Variants in PLXDC2 observed in about 807,000 individuals in gnomAD.
The protein encoded by PLXDC2 is plexin domain-containing protein 2.
In PLXDC2, 40 loss-of-function variants were observed where a neutral mutation model predicts 68.9. The observed-to-expected ratio is 0.58, with a 90% CI of 0.45 to 0.76. PLXDC2 has a LOEUF of 0.76. PLXDC2 is among the 30% of genes least tolerant of loss of function. The pLI is 0.00. For synonymous variants in PLXDC2, 243 were observed against 234.2 expected (o/e 1.04, Z -0.34); for missense variants, 644 against 661.9 (o/e 0.97, Z 0.30).
chr10:20,095,944 C>G (rs1416854212), intron 4 of PLXDC2, among the ~76,000 whole-genome samples: 4 of 152,098 alleles, frequency 2.6e-5, no homozygotes, highest in African/African-American at 9.7e-5. Flanking sequence ...TATTTCTCTT[C>G]TAAGATGTTT....
intron 1 of PLXDC2, among the ~76,000 whole-genome samples, chr10:19,975,653 C>T (rs978634702): frequency 1.3e-5 from 2 of 152,252 alleles, no homozygotes. Flanking sequence ...CTGCATCTCT[C>T]TTTTGAGTTG....
intron 1 of PLXDC2, among the ~76,000 whole-genome samples, chr10:19,914,605 C>T (rs12571149): frequency 0.041 from 6,173 of 152,198 alleles, 210 homozygotes; most frequent in East Asian, 0.13. Context: ...AAGAGAAAAG[C>T]GAACATAAAA....
chr10:20,247,995 A>G (rs188964009), intron 13 of PLXDC2, among the ~76,000 whole-genome samples: 3 of 152,324 alleles, frequency 2.0e-5, no homozygotes, highest in African/African-American at 7.2e-5. Flanking sequence ...TCAAAGTTAC[A>G]AATGCATTCT....
At chr10:20,277,692 A>G (rs1473118294) in intron 13 of PLXDC2, among the ~76,000 whole-genome samples, 1 of 152,184 alleles carries the variant, frequency 6.6e-6, no homozygotes, top group Non-Finnish European at 1.5e-5. Flanking sequence ...ATGTGAAGGG[A>G]TTATAAAAGA....
At chr10:20,038,861 T>C (rs970783937) in intron 2 of PLXDC2, among the ~76,000 whole-genome samples, 5 of 152,148 alleles carry the variant, frequency 3.3e-5, no homozygotes, top group African/African-American at 1.2e-4. Context: ...GGGTGGGAAC[T>C]TTATCTCACA....
chr10:20,237,939 A>G (rs1416664962), intron 12 of PLXDC2, among the ~76,000 whole-genome samples: 3 of 152,072 alleles, frequency 2.0e-5, no homozygotes, highest in Non-Finnish European at 4.4e-5. Flanking sequence ...TTTTTTCTTT[A>G]TTTCTGGACT....
chr10:19,892,852 TA>T (rs1837988632), intron 1 of PLXDC2, among the ~76,000 whole-genome samples: 1 of 152,004 alleles, frequency 6.6e-6, no homozygotes, highest in African/African-American at 2.4e-5. Context: ...TAGTATACAG[TA>T]CGAGCTAAGA....
At chr10:20,227,540 G>T (rs1261530754) in intron 12 of PLXDC2, among the ~76,000 whole-genome samples, 2 of 152,104 alleles carry the variant, frequency 1.3e-5, no homozygotes, top group Admixed American at 6.5e-5. Context: ...TTTTCCTGGG[G>T]TAAAGTTATA....
chr10:19,825,355 T>G lies in PLXDC2; in HGVS notation c.112+8164T>G, dbSNP rs562217182. Among the ~76,000 whole-genome samples, 11 of 152,186 alleles carry G rather than the reference T, an allele frequency of 7.2e-5. 1 individual carries two copies. Among genetic ancestry groups the G allele is most frequent in the Admixed American group, 7.2e-4 (11 of 15,272 alleles). On this transcript the variant is annotated intron_variant, in intron 1 of 13. Coordinates refer to ENST00000377252, the MANE Select transcript of PLXDC2 (RefSeq NM_032812.9). ...GAAAAACTGCATAGGAATCCGAATATTTGAAAGTCAATTCTCTATGTATTC... is the reference window on the plus strand; with the variant it reads ...GAAAAACTGCATAGGAATCCGAATAGTTGAAAGTCAATTCTCTATGTATTC...
chr10:19,819,409 TA>T (rs1328257502), intron 1 of PLXDC2, among the ~76,000 whole-genome samples: 2 of 152,160 alleles, frequency 1.3e-5, no homozygotes, highest in South Asian at 4.2e-4. Context: ...ACTGAATATA[TA>T]AAAAAAGCAA....
rs1178583722 is a variant in PLXDC2, at chr10:20,281,271, C to A, written c.*1452C>A. 2 of 152,094 alleles carry A rather than the reference C, an allele frequency of 1.3e-5. No individual in the cohort carries two copies. The highest frequency in any genetic ancestry group is 3.8e-4 in the East Asian group (2 of 5,196). 9.4% of individuals were successfully genotyped at this position (152,094 alleles called of 1,614,324 possible). On this transcript the variant is annotated 3_prime_UTR_variant, in exon 14 of 14. Transcript: ENST00000377252. ...TCATGAATGAAGAAAGGAATGGCAT[C>A]CCTTGAGAAGGAAAGTGGTTAATAT...
intron 1 of PLXDC2, among the ~76,000 whole-genome samples, chr10:19,843,537 T>C (rs1208895035): frequency 2.6e-5 from 4 of 152,106 alleles, no homozygotes; most frequent in Admixed American, 1.3e-4. Flanking sequence ...GTGAGAAATG[T>C]ACAGGAAAAA....
chr10:20,156,240 T>G (rs1834215383), intron 6 of PLXDC2, among the ~76,000 whole-genome samples: 1 of 152,182 alleles, frequency 6.6e-6, no homozygotes, highest in Admixed American at 6.5e-5. Flanking sequence ...CCTGCGTCAC[T>G]GTCTTTTGTG....
intron 1 of PLXDC2, among the ~76,000 whole-genome samples, chr10:19,997,285 T>C (rs998258605): frequency 2.0e-5 from 3 of 152,220 alleles, no homozygotes; most frequent in Non-Finnish European, 4.4e-5. Flanking sequence ...CTGCAATGAA[T>C]TGAGATGCAA....
intron 1 of PLXDC2, among the ~76,000 whole-genome samples, chr10:19,950,271 C>T (rs894994087): frequency 1.3e-5 from 2 of 152,176 alleles, no homozygotes; most frequent in Admixed American, 6.5e-5. Context: ...ACCCTAAAGA[C>T]TCTACCAAAA....
At chr10:20,275,361 C>T (rs1835992515) in intron 13 of PLXDC2, among the ~76,000 whole-genome samples, 1 of 152,132 alleles carries the variant, frequency 6.6e-6, no homozygotes, top group Non-Finnish European at 1.5e-5. Flanking sequence ...TCTATTGAAT[C>T]AGGAGCTGCA....
chr10:20,153,512 G>T (rs1025062007), intron 6 of PLXDC2, among the ~76,000 whole-genome samples: 1 of 151,998 alleles, frequency 6.6e-6, no homozygotes, highest in Non-Finnish European at 1.5e-5. Flanking sequence ...CACATTTCCT[G>T]CTTGATTTAA....
At chr10:19,893,758 G>T (rs1304029852) in intron 1 of PLXDC2, among the ~76,000 whole-genome samples, 1 of 152,180 alleles carries the variant, frequency 6.6e-6, no homozygotes, top group South Asian at 2.1e-4. Context: ...ATCCTTTACA[G>T]CCTTTTTACT....
At chr10:20,111,603 G>T (rs1833561367) in intron 4 of PLXDC2, among the ~76,000 whole-genome samples, 1 of 152,124 alleles carries the variant, frequency 6.6e-6, no homozygotes, top group African/African-American at 2.4e-5. Flanking sequence ...AGTGTAAAAA[G>T]AATCACACTG....
Sources: allele counts gnomAD v4.1 joint callset (sites outside exome capture counted in the v4.1 genomes callset), GRCh38; gene constraint gnomAD v4.1.1; transcripts MANE v1.5; gene names NCBI Gene and HGNC (gene_info 2026-07-23, HGNC 2026-07-21).